The following RUNX3 variants were observed in gnomAD, a reference collection of about 807,000 sequenced individuals.
The protein encoded by RUNX3 is RUNX family transcription factor 3, also known as runt-related transcription factor 3.
A neutral mutation model predicts 27.7 loss-of-function variants in RUNX3; 10 were observed. That is an observed-to-expected ratio of 0.36 (90% CI 0.22 to 0.61). RUNX3 has a LOEUF of 0.61. RUNX3 is among the 20% of genes least tolerant of loss of function. The pLI is 0.72. For missense variants in RUNX3, 469 were observed against 629.5 expected (o/e 0.75, Z 2.73); for synonymous variants, 270 against 269.2 (o/e 1.00, Z -0.03).
chr1:24,934,349 G>T (rs572354730), upstream of RUNX3, among the ~76,000 whole-genome samples: 32 of 152,278 alleles, frequency 2.1e-4, no homozygotes, highest in East Asian at 4.1e-3. Context: ...GAGCACAAAT[G>T]TGCTTCTCAA....
Position 24,902,176 on chromosome 1 carries a change from G to A in RUNX3, c.1194C>T (p.Pro398=), listed in dbSNP as rs771352048. The change falls in exon 5 of 5, where the codon CCC becomes CCT. Residue 398 remains proline (P), a synonymous_variant. Transcript: ENST00000308873. This position sits in a 1 kb window ranked among gnomAD's most constrained non-coding sequence, Gnocchi z 9.2. ...VEADGSHSNS[P]TALSTPGRMD... ...TGCGGCCTGGCGTGCTCAGGGCCGT[G>A]GGTGAGTTGCTGTGGCTGCCGTCGG... is the stretch of plus-strand genomic sequence containing the variant. The A allele has an allele frequency of 3.2e-6, 5 of 1,572,168 alleles. No individual in the cohort carries two copies. Among genetic ancestry groups the A allele is most frequent in the Non-Finnish European group, 3.4e-6 (4 of 1,160,504 alleles).
intron 2 of RUNX3, chr1:24,961,978 G>C (rs1396038853): frequency 6.6e-6 from 1 of 152,160 alleles, no homozygotes; most frequent in Non-Finnish European, 1.5e-5. Context: ...TTTTTGTCTT[G>C]CGTATAATTT....
chr1:24,964,527 C>T (rs764012689), exon 2 of RUNX3: 18 of 1,611,316 alleles, frequency 1.1e-5, no homozygotes, highest in East Asian at 2.2e-5. Context: ...GGATGAAGGT[C>T]GGCGAGTAGG....
At position 24,902,108 on chromosome 1, in the gene RUNX3, G is replaced by A. The variant is rs779815484; in HGVS notation, c.*14C>T. On this transcript the variant is annotated 3_prime_UTR_variant, in exon 5 of 5. Transcript: ENST00000308873. The surrounding 1 kb of genome is among the most constrained non-coding windows in gnomAD (Gnocchi z 9.2). ...AGGGTCCCCGCCTCCAGCGGGAGGA[G>A]TCCACCAGGGCGGTCAGTAGGGCCG... is the stretch of plus-strand genomic sequence containing the variant. The A allele has an allele frequency of 2.6e-6, 4 of 1,517,722 alleles. No homozygotes were observed. The highest frequency in any genetic ancestry group is 3.5e-6 in the Non-Finnish European group (4 of 1,131,102). 94.0% of individuals were successfully genotyped at this position (1,517,722 alleles called of 1,614,324 possible).
At chr1:24,934,582 C>T (rs1020135784), upstream of RUNX3, among the ~76,000 whole-genome samples, 4 of 152,114 alleles carry the variant, frequency 2.6e-5, no homozygotes, top group Admixed American at 6.5e-5. Flanking sequence ...TGCCAGGCGC[C>T]GCACATGGGC....
At chr1:24,964,324 C>T (rs1001768747) in intron 2 of RUNX3, among the ~76,000 whole-genome samples, 1 of 152,220 alleles carries the variant, frequency 6.6e-6, no homozygotes. Flanking sequence ...GATGAAAGTG[C>T]CACAGCGATG....
Position 24,900,768 on chromosome 1 carries a change from G to A in RUNX3, c.*1354C>T, listed in dbSNP as rs1640523217. The A allele has an allele frequency of 6.6e-6, 1 of 152,538 alleles. No individual in the cohort carries two copies. 9.4% of individuals were successfully genotyped at this position (152,538 alleles called of 1,614,324 possible). A position where few individuals can be genotyped will look rare whatever the true frequency, so the allele number is the denominator to read the frequency against. ...CATCAGCGTTTCCCTCGTCCTCCCA[G>A]GGGAGCCTGTGGTGCAGGCTGGTGG... On this transcript the variant is annotated 3_prime_UTR_variant, in exon 5 of 5. Coordinates refer to ENST00000308873, the MANE Select transcript of RUNX3 (RefSeq NM_004350.3).
At position 24,901,404 on chromosome 1, in the gene RUNX3, G is replaced by C. The variant is rs1640547381; in HGVS notation, c.*718C>G. On this transcript the variant is annotated 3_prime_UTR_variant, in exon 5 of 5. Transcript: ENST00000308873. ...GAGCCGGTCTGTAGGTGCTTTCCTG[G>C]GTTTAAGAACCTGATGCCATAGACT... is the stretch of plus-strand genomic sequence containing the variant. 6.5e-6 allele frequency: 1 copy of C among 152,796 alleles called. No individual in the cohort carries two copies. The highest frequency in any genetic ancestry group is 1.5e-5 in the Non-Finnish European group (1 of 68,136). 9.5% of individuals were successfully genotyped at this position (152,796 alleles called of 1,614,324 possible).
At chr1:24,921,656 T>C (rs1038821288) in intron 2 of RUNX3, among the ~76,000 whole-genome samples, 3 of 152,220 alleles carry the variant, frequency 2.0e-5, no homozygotes, top group African/African-American at 4.8e-5. Flanking sequence ...TCTGAGGTCA[T>C]TTCTCTGCTG....
intron 3 of RUNX3, among the ~76,000 whole-genome samples, chr1:24,913,304 G>A (rs1640829314): frequency 6.6e-6 from 1 of 152,204 alleles, no homozygotes; most frequent in African/African-American, 2.4e-5. Flanking sequence ...ACTTATGGGA[G>A]GGCAGATCCC....
intron 4 of RUNX3, among the ~76,000 whole-genome samples, chr1:24,903,449 C>T (rs1241723848): frequency 6.6e-6 from 1 of 152,230 alleles, no homozygotes; most frequent in African/African-American, 2.4e-5. Context: ...GGGACCCAGA[C>T]CCCAACCTGG....
At position 24,902,827 on chromosome 1, in the gene RUNX3, C is replaced by T. The variant is rs374576964; in HGVS notation, c.704-161G>A. ...GCCCTAGGCTGCCCGGGGCCTCCCC[C>T]GCCAGGACTCCGAACACAGACCTGC... On this transcript the variant is annotated intron_variant, in intron 4 of 4. Coordinates refer to ENST00000308873, the MANE Select transcript of RUNX3 (RefSeq NM_004350.3). This position sits in a 1 kb window ranked among gnomAD's most constrained non-coding sequence, Gnocchi z 9.2. Among the ~76,000 whole-genome samples the T allele has an allele frequency of 7.4e-4, 112 of 152,266 alleles. 1 individual carries two copies. Among genetic ancestry groups the T allele is most frequent in the African/African-American group, 2.6e-3 (110 of 41,558 alleles).
intron 2 of RUNX3, among the ~76,000 whole-genome samples, chr1:24,941,485 G>T (rs923584063): frequency 1.9e-4 from 29 of 152,218 alleles, no homozygotes; most frequent in African/African-American, 7.0e-4. Flanking sequence ...CATCCCCATT[G>T]TAACAGTAGG....
At chr1:24,964,523 A>T in exon 2 of RUNX3, 1 of 1,611,012 alleles carries the variant, frequency 6.2e-7, no homozygotes, top group Non-Finnish European at 8.5e-7. Context: ...CCGCGGATGA[A>T]GGTCGGCGAG....
chr1:24,950,485 A>G (rs762069687), intron 2 of RUNX3, among the ~76,000 whole-genome samples: 3 of 152,182 alleles, frequency 2.0e-5, no homozygotes, highest in Non-Finnish European at 1.5e-5. Flanking sequence ...TTTACAACAC[A>G]CTAATTCAGA....
At chr1:24,964,610 G>T (rs1270112914) in exon 2 of RUNX3, 1 of 1,592,226 alleles carries the variant, frequency 6.3e-7, no homozygotes, top group Non-Finnish European at 8.5e-7. Context: ...CAGCCCTTCA[G>T]GGGGTTGGGT....
intron 2 of RUNX3, among the ~76,000 whole-genome samples, chr1:24,950,557 T>TG (rs1038157922): frequency 1.3e-5 from 2 of 152,004 alleles, no homozygotes; most frequent in Non-Finnish European, 2.9e-5. Context: ...GCACAGGAGG[T>TG]GGGGGGGCCA....
rs780657428 is a variant in RUNX3, at chr1:24,902,338, G to A, written c.1032C>T (p.Ser344=). The A allele has an allele frequency of 1.9e-6, 3 of 1,611,384 alleles. No homozygotes were observed. The highest frequency in any genetic ancestry group is 2.5e-6 in the Non-Finnish European group (3 of 1,179,702). The part of the protein sequence containing the change: ...YGTSSGSYQF[S]MVAGSSSGGD... ...CCCCACTGCTGCTGCCGGCCACCAT[G>A]GAGAACTGGTAGGAGCCAGAGGATG... The change falls in exon 5 of 5, where the codon TCC becomes TCT. Residue 344 remains serine (S), a synonymous_variant. Transcript: ENST00000308873. The surrounding 1 kb of genome is among the most constrained non-coding windows in gnomAD (Gnocchi z 9.2).
chr1:24,902,224 G>C lies in RUNX3; in HGVS notation c.1146C>G (p.Gly382=), dbSNP rs540632493. Reference sequence around the variant, plus strand: ...CGGCCTCCACGCCATCACTCTGGCCGCCCAGGCTGGGGTTCATGAGGTTGC... The same window carrying C: ...CGGCCTCCACGCCATCACTCTGGCCCCCCAGGCTGGGGTTCATGAGGTTGC... The part of the protein sequence containing the change: ...AAGNLMNPSL[G]GQSDGVEADG... The change falls in exon 5 of 5, where the codon GGC becomes GGG. Residue 382 remains glycine, a synonymous_variant. Coordinates refer to ENST00000308873, the MANE Select transcript of RUNX3 (RefSeq NM_004350.3). This position sits in a 1 kb window ranked among gnomAD's most constrained non-coding sequence, Gnocchi z 9.2. The C allele has an allele frequency of 1.3e-6, 2 of 1,572,754 alleles. No homozygotes were observed. Among genetic ancestry groups the C allele is most frequent in the East Asian group, 4.6e-5 (2 of 43,456 alleles).
Sources: allele counts gnomAD v4.1 joint callset (sites outside exome capture counted in the v4.1 genomes callset), GRCh38; gene constraint gnomAD v4.1.1; non-coding constraint Gnocchi (gnomAD v3.1); transcripts MANE v1.5; gene names NCBI Gene and HGNC (gene_info 2026-07-23, HGNC 2026-07-21).